GALNT13: variants seen among roughly 807,000 people sequenced by gnomAD.
The protein encoded by GALNT13 is UDP-GalNAc:polypeptide N-acetylgalactosaminyltransferase 13.
In GALNT13, 28 loss-of-function variants were observed where a neutral mutation model predicts 64.2. That is an observed-to-expected ratio of 0.44 (90% confidence interval 0.32 to 0.60). GALNT13 has a LOEUF of 0.60. Among genes scored for constraint, GALNT13 ranks in the 20% least tolerant of loss-of-function variants. The probability of loss-of-function intolerance (pLI) is 0.05; values close to 1 mark genes in which losing one functional copy is unlikely to be tolerated. For synonymous variants in GALNT13, 214 were observed against 224.6 expected, an observed-to-expected ratio of 0.95 and a Z score of 0.42; for missense variants, 577 against 669.8, an observed-to-expected ratio of 0.86 and a Z score of 1.53.
At chr2:154,286,306 G>T (rs984634398) in intron 8 of GALNT13, among the ~76,000 whole-genome samples, 1 of 152,162 alleles carries the variant, frequency 6.6e-6, no homozygotes, top group Non-Finnish European at 1.5e-5. Context: ...GATATTAGCT[G>T]TGGCCTTATC....
At chr2:154,450,274 A>C in intron 12 of GALNT13, 137 bp from the exon 13 acceptor site, 1 of 643,164 alleles carries the variant, frequency 1.6e-6, no homozygotes. Flanking sequence ...ACCTGTGCAC[A>C]GTTCCTTTTA....
At chr2:153,766,940 C>A in the GALNT13 span, among the ~76,000 whole-genome samples, 1 of 151,808 alleles carries the variant, frequency 6.6e-6, no homozygotes, top group East Asian at 1.9e-4. Context: ...TGTTAAATTT[C>A]TCTTATTGTT....
intron 11 of GALNT13, among the ~76,000 whole-genome samples, chr2:154,423,586 ATG>A: frequency 6.6e-6 from 1 of 152,328 alleles, no homozygotes; most frequent in South Asian, 2.1e-4. Context: ...TATTTTTTAA[ATG>A]TATGAATCTT....
At chr2:153,604,786 A>G in the GALNT13 span, among the ~76,000 whole-genome samples, 7 of 152,176 alleles carry the variant, frequency 4.6e-5, no homozygotes, top group Admixed American at 3.3e-4. Context: ...AATTTAACCA[A>G]TAGTTTTTCT....
chr2:153,702,868 G>T, the GALNT13 span, among the ~76,000 whole-genome samples: 1 of 152,064 alleles, frequency 6.6e-6, no homozygotes, highest in Non-Finnish European at 1.5e-5. Flanking sequence ...GTAATTAAAG[G>T]CATGAAACCA....
chr2:153,166,108 A>C, the GALNT13 span, among the ~76,000 whole-genome samples: 1 of 152,174 alleles, frequency 6.6e-6, no homozygotes, highest in Admixed American at 6.5e-5. Flanking sequence ...AAAGATTCCC[A>C]AAGATTCCCC....
intron 3 of GALNT13, among the ~76,000 whole-genome samples, chr2:154,131,977 G>A (rs1487198635): frequency 6.6e-6 from 1 of 152,164 alleles, no homozygotes; most frequent in African/African-American, 2.4e-5. Context: ...TCCAGTACAG[G>A]AGAAAGATGA....
the GALNT13 span, among the ~76,000 whole-genome samples, chr2:153,788,955 T>G: frequency 6.6e-6 from 1 of 152,064 alleles, no homozygotes; most frequent in Non-Finnish European, 1.5e-5. Context: ...ATAAAGTAAG[T>G]TCTAAGGACC....
chr2:153,629,540 A>G, the GALNT13 span, among the ~76,000 whole-genome samples: 14 of 152,230 alleles, frequency 9.2e-5, no homozygotes, highest in African/African-American at 3.1e-4. Context: ...AAAACTATAA[A>G]AACCCTAGAA....
chr2:153,983,504 T>C (rs1307349624), intron 3 of GALNT13, among the ~76,000 whole-genome samples: 2 of 151,944 alleles, frequency 1.3e-5, no homozygotes, highest in African/African-American at 4.8e-5. Context: ...CTTTAATTTT[T>C]GGGTTGGTTG....
At chr2:153,841,825 A>G in the GALNT13 span, among the ~76,000 whole-genome samples, 2 of 152,204 alleles carry the variant, frequency 1.3e-5, no homozygotes, top group Non-Finnish European at 2.9e-5. Context: ...GTTTATAACA[A>G]TATATTTTTG....
chr2:154,149,721 C>T (rs1481963776), intron 4 of GALNT13, among the ~76,000 whole-genome samples: 2 of 152,168 alleles, frequency 1.3e-5, no homozygotes, highest in East Asian at 3.9e-4. Flanking sequence ...TGATTTGGCT[C>T]TCTGTTTGTC....
At chr2:154,353,164 A>T (rs1696507664) in intron 9 of GALNT13, among the ~76,000 whole-genome samples, 1 of 152,176 alleles carries the variant, frequency 6.6e-6, no homozygotes, top group African/African-American at 2.4e-5. Context: ...TATATAATGG[A>T]TATTAAAATA....
At chr2:153,953,139 A>G (rs1295014857) in intron 3 of GALNT13, among the ~76,000 whole-genome samples, 2 of 152,104 alleles carry the variant, frequency 1.3e-5, no homozygotes, top group Non-Finnish European at 2.9e-5. Context: ...AATCAAGTTG[A>G]CACTCAATAT....
chr2:153,457,110 G>A, the GALNT13 span, among the ~76,000 whole-genome samples: 1 of 152,158 alleles, frequency 6.6e-6, no homozygotes, highest in Non-Finnish European at 1.5e-5. Flanking sequence ...TAGTCGGGTG[G>A]CTGCCTGTTT....
the GALNT13 span, among the ~76,000 whole-genome samples, chr2:153,117,443 A>G: frequency 6.6e-6 from 1 of 152,202 alleles, no homozygotes; most frequent in African/African-American, 2.4e-5. Flanking sequence ...AATGGCCACC[A>G]AGCTTTATTA....
intron 3 of GALNT13, among the ~76,000 whole-genome samples, chr2:154,007,744 A>AT (rs1418633919): frequency 6.6e-6 from 1 of 151,924 alleles, no homozygotes; most frequent in Non-Finnish European, 1.5e-5. Flanking sequence ...TATACTTTAG[A>AT]TTTTTTGTAT....
At chr2:154,184,040 C>A (rs867979373) in intron 4 of GALNT13, among the ~76,000 whole-genome samples, 12 of 151,668 alleles carry the variant, frequency 7.9e-5, no homozygotes, top group Middle Eastern at 3.4e-3. Flanking sequence ...CTTGTTATAA[C>A]CTTATCATGA....
chr2:153,209,848 C>T, the GALNT13 span, among the ~76,000 whole-genome samples: 1 of 152,098 alleles, frequency 6.6e-6, no homozygotes, highest in Non-Finnish European at 1.5e-5. Context: ...AATCCCTCAA[C>T]AGTGTCTTGT....
Sources: gnomAD v4.1 joint callset for allele counts (sites outside exome capture counted in the v4.1 genomes callset) on GRCh38, gnomAD v4.1.1 for gene constraint, MANE v1.5 for transcripts, NCBI Gene and HGNC (gene_info 2026-07-23, HGNC 2026-07-21) for gene names.